MYO16: variants seen among roughly 807,000 people sequenced by gnomAD.
The protein encoded by MYO16 is myosin XVI.
In MYO16, 94 loss-of-function variants were observed where a neutral mutation model predicts 205.3. The observed-to-expected ratio is 0.46, with a 90% confidence interval of 0.39 to 0.54. The LOEUF is 0.54. Ranked by LOEUF, MYO16 falls within the 20% of genes least tolerant of loss-of-function variation. The pLI is 0.00. For missense variants in MYO16, 2,315 were observed against 2,387.5 expected, an observed-to-expected ratio of 0.97 and a Z score of 0.63; for synonymous variants, 988 against 954.0, an observed-to-expected ratio of 1.04 and a Z score of -0.66.
the MYO16 span, among the ~76,000 whole-genome samples, chr13:108,584,949 C>A: frequency 6.6e-6 from 1 of 152,130 alleles, no homozygotes; most frequent in Non-Finnish European, 1.5e-5. Flanking sequence ...AATTTAATGG[C>A]TTTCCTCTTT....
chr13:109,152,833 A>G (rs905113302), intron 32 of MYO16, among the ~76,000 whole-genome samples: 2 of 152,220 alleles, frequency 1.3e-5, no homozygotes, highest in Admixed American at 6.5e-5. Context: ...TCCTATTACT[A>G]TCTGCAGTTT....
In MYO16 at chr13:108,968,856, A is replaced by G. The variant is rs1883901713; in HGVS notation, c.2369+3954A>G. Among the ~76,000 whole-genome samples the G allele has an allele frequency of 2.0e-5, 3 of 152,304 alleles. No individual in the cohort carries two copies. The South Asian group carries it at 6.2e-4, about 32-fold the overall frequency. The stretch of plus-strand genomic sequence containing the variant: ...GCCATGACGTGCTCCCCACGAACGC[A>G]GGAAGACTGCCCTGAGCCCTCCTTG... On this transcript the variant is annotated intron_variant, in intron 20 of 34. Transcript: ENST00000457511.
intron 34 of MYO16, among the ~76,000 whole-genome samples, chr13:109,193,329 A>G (rs1182858021): frequency 6.6e-6 from 1 of 152,210 alleles, no homozygotes; most frequent in Non-Finnish European, 1.5e-5. Context: ...ATGATACAGA[A>G]GTGCCTCTCT....
In MYO16 at chr13:108,727,578, G is replaced by C; in HGVS notation, c.502G>C (p.Val168Leu). 6.2e-7 allele frequency: 1 copy of C among 1,609,458 alleles called. No individual in the cohort carries two copies. Among genetic ancestry groups the C allele is most frequent in the Non-Finnish European group, 8.5e-7 (1 of 1,178,492 alleles). The change falls in exon 4 of 35, where the codon GTA (valine) becomes CTA (leucine). Residue 168 changes from valine to leucine, a missense_variant. Physicochemically the swap from Val to Leu is conservative, Grantham distance 32 (BLOSUM62 1). Transcript: ENST00000457511. ...CDNPDIVLLL[V>L]LAGANVLLQD... Reference sequence around the variant, plus strand: ...TAACCCTGATATTGTCCTGCTTCTTGTATTAGTAAGTAAAGCAATTCAGTT... The same window carrying C: ...TAACCCTGATATTGTCCTGCTTCTTCTATTAGTAAGTAAAGCAATTCAGTT...
chr13:108,637,858 C>A (rs1472377384), intron 1 of MYO16, among the ~76,000 whole-genome samples: 1 of 151,354 alleles, frequency 6.6e-6, no homozygotes, highest in Non-Finnish European at 1.5e-5. Flanking sequence ...CTGGGCAACA[C>A]AAATAAATAG....
intron 16 of MYO16, among the ~76,000 whole-genome samples, chr13:108,912,619 A>G (rs1881316540): frequency 6.6e-6 from 1 of 152,082 alleles, no homozygotes; most frequent in African/African-American, 2.4e-5. Context: ...ACCACCTGAG[A>G]TTAACTTTGT....
chr13:108,880,347 G>A (rs1566387083), intron 12 of MYO16, among the ~76,000 whole-genome samples: 1 of 152,160 alleles, frequency 6.6e-6, no homozygotes, highest in Non-Finnish European at 1.5e-5. Flanking sequence ...CTTTTGCTGT[G>A]CAGAAGCTCT....
intron 16 of MYO16, among the ~76,000 whole-genome samples, chr13:108,940,922 C>T (rs1248023265): frequency 1.3e-5 from 2 of 152,140 alleles, no homozygotes; most frequent in Admixed American, 1.3e-4. Context: ...AATTCAAAGT[C>T]AATTAAACAA....
intron 28 of MYO16, among the ~76,000 whole-genome samples, chr13:109,107,278 G>A (rs933215799): frequency 6.6e-6 from 1 of 152,156 alleles, no homozygotes; most frequent in Non-Finnish European, 1.5e-5. Flanking sequence ...ATCTTCTAAT[G>A]TAATGTTTAC....
chr13:108,905,203 A>C (rs1313623380), intron 15 of MYO16, among the ~76,000 whole-genome samples: 1 of 152,108 alleles, frequency 6.6e-6, no homozygotes, highest in Non-Finnish European at 1.5e-5. Flanking sequence ...AACTCAGGTG[A>C]ATAGGTGAAT....
intron 27 of MYO16, among the ~76,000 whole-genome samples, chr13:109,057,643 T>C (rs1241793613): frequency 6.6e-6 from 1 of 152,128 alleles, no homozygotes; most frequent in African/African-American, 2.4e-5. Context: ...TGTTAAGAGC[T>C]GATATTTCTT....
chr13:108,854,478 T>C (rs1225405458), intron 10 of MYO16, among the ~76,000 whole-genome samples: 1 of 152,154 alleles, frequency 6.6e-6, no homozygotes, highest in African/African-American at 2.4e-5. Context: ...TAAGCAGAAA[T>C]ATTTATGTTC....
intron 4 of MYO16, among the ~76,000 whole-genome samples, chr13:108,772,011 C>A (rs1456789994): frequency 6.6e-6 from 1 of 152,026 alleles, no homozygotes; most frequent in African/African-American, 2.4e-5. Flanking sequence ...GGGCAAATAC[C>A]AAGGGGCATG....
Position 109,172,150 on chromosome 13 carries a change from G to T in MYO16, c.5323+7091G>T, listed in dbSNP as rs968488425. 1.2e-4 allele frequency among the ~76,000 whole-genome samples: 19 copies of T among 152,226 alleles called. No homozygotes were observed. The East Asian group carries it at 3.5e-3, about 28-fold the overall frequency. On this transcript the variant is annotated intron_variant, in intron 33 of 34. Coordinates refer to ENST00000457511, the MANE Select transcript of MYO16 (RefSeq NM_001198950.3). ...ACCACCAGCCAAGGAGCCTTTGGTT[G>T]GAACCCATAAATATCTTTAATATGT...
chr13:109,083,047 A>T (rs1888328370), intron 27 of MYO16, among the ~76,000 whole-genome samples: 1 of 152,178 alleles, frequency 6.6e-6, no homozygotes, highest in Non-Finnish European at 1.5e-5. Flanking sequence ...AGTGTTAAAA[A>T]GGCTAAGCAA....
upstream of MYO16, among the ~76,000 whole-genome samples, chr13:108,591,972 T>A (rs1255280037): frequency 6.6e-6 from 1 of 150,790 alleles, no homozygotes; most frequent in Non-Finnish European, 1.5e-5. Context: ...ACTCTATGAA[T>A]AGAAGCATTT....
chr13:109,022,672 A>C (rs1886111111), intron 23 of MYO16, among the ~76,000 whole-genome samples: 1 of 62,848 alleles, frequency 1.6e-5, no homozygotes, highest in African/African-American at 4.9e-5. Flanking sequence ...TATATATTAT[A>C]TATACACATA....
chr13:108,590,807 G>A, the MYO16 span, among the ~76,000 whole-genome samples: 2 of 152,114 alleles, frequency 1.3e-5, no homozygotes, highest in Non-Finnish European at 2.9e-5. Context: ...ACTGGAAGAG[G>A]AGAGGAAGAA....
At chr13:109,023,117 A>G (rs912208049) in intron 23 of MYO16, among the ~76,000 whole-genome samples, 1 of 132,046 alleles carries the variant, frequency 7.6e-6, no homozygotes, top group African/African-American at 2.8e-5. Flanking sequence ...GTATATACAT[A>G]TAACAATATA....
Sources: gnomAD v4.1 joint callset for allele counts (sites outside exome capture counted in the v4.1 genomes callset) on GRCh38, gnomAD v4.1.1 for gene constraint, MANE v1.5 for transcripts, NCBI Gene and HGNC (gene_info 2026-07-23, HGNC 2026-07-21) for gene names.